Variants in PLCB4 observed in about 807,000 individuals in gnomAD.
PLCB4 encodes 1-phosphatidylinositol 4,5-bisphosphate phosphodiesterase beta-4.
A neutral mutation model predicts 178.8 loss-of-function variants in PLCB4; 77 were observed. The observed-to-expected ratio is 0.43, with a 90% CI of 0.36 to 0.52. The LOEUF (loss-of-function observed/expected upper bound fraction) is 0.52, where lower values mean the gene tolerates loss of function less well. Among genes scored for constraint, PLCB4 ranks in the 20% least tolerant of loss-of-function variants. PLCB4 has a pLI of 0.00. For missense variants in PLCB4, 1,024 were observed against 1,453.4 expected (o/e 0.70, Z 4.80); for synonymous variants, 496 against 490.8 (o/e 1.01, Z -0.14).
chr20:9,390,489 A>T (rs190650998), intron 16 of PLCB4, 42 bp from the exon 17 acceptor site: 19 of 922,618 alleles, frequency 2.1e-5, no homozygotes, highest in Admixed American at 3.5e-5. Context: ...TTGGACGGTT[A>T]ATGGGTGTTT....
Position 9,159,935 on chromosome 20 carries a change from G to A in PLCB4, c.-78-57455G>A, listed in dbSNP as rs569123559. 3.9e-5 allele frequency among the ~76,000 whole-genome samples: 6 copies of A among 152,316 alleles called. No individual in the cohort carries two copies. The South Asian group carries it at 1.2e-3, about 32-fold the overall frequency. ...CCGTTCAGTGTGCTCGTGAACTTCA[G>A]AAGGCTTCTGATAGATTTTAGGCCT... On this transcript the variant is annotated intron_variant, in intron 2 of 39. Coordinates refer to ENST00000378473, the MANE Select transcript of PLCB4 (RefSeq NM_001377142.1).
intron 30 of PLCB4, among the ~76,000 whole-genome samples, chr20:9,438,561 A>G (rs999335086): frequency 2.6e-5 from 4 of 152,106 alleles, no homozygotes; most frequent in Non-Finnish European, 5.9e-5. Flanking sequence ...TATATCACTG[A>G]GGACAAGCTG....
At chr20:9,077,951 T>G (rs2089949183) in intron 1 of PLCB4, among the ~76,000 whole-genome samples, 1 of 152,200 alleles carries the variant, frequency 6.6e-6, no homozygotes, top group Non-Finnish European at 1.5e-5. Flanking sequence ...AATGGATACT[T>G]GAATTTAATG....
intron 35 of PLCB4, among the ~76,000 whole-genome samples, chr20:9,464,049 T>G (rs938563405): frequency 2.0e-5 from 3 of 152,052 alleles, no homozygotes; most frequent in Non-Finnish European, 4.4e-5. Flanking sequence ...CCTCAGCAAA[T>G]GTAAAGGAAC....
At chr20:9,366,396 C>CAAAA (rs1198133351) in intron 9 of PLCB4, among the ~76,000 whole-genome samples, 3 of 33,972 alleles carry the variant, frequency 8.8e-5, no homozygotes, top group East Asian at 6.9e-4. Flanking sequence ...GACTCCATCT[C>CAAAA]AAAAAAAAAA....
At chr20:9,077,230 T>C (rs1239629414) in intron 1 of PLCB4, among the ~76,000 whole-genome samples, 2 of 152,216 alleles carry the variant, frequency 1.3e-5, no homozygotes, top group African/African-American at 4.8e-5. Flanking sequence ...GTGGACACTA[T>C]TGCAAACTGA....
chr20:9,209,005 C>A (rs1401264805), intron 2 of PLCB4, among the ~76,000 whole-genome samples: 2 of 152,158 alleles, frequency 1.3e-5, no homozygotes, highest in Non-Finnish European at 2.9e-5. Flanking sequence ...TAATTGGATA[C>A]CCTGTCCTAA....
In PLCB4 at chr20:9,347,889, G is replaced by A. The variant is rs189176778; in HGVS notation, c.369+8852G>A. ...CTCAGGAGACTGAGGCAGGAGAATC[G>A]CTTGAACCCAAGAGGTGGAGGTTGT... On this transcript the variant is annotated intron_variant, in intron 7 of 39. Transcript: ENST00000378473. Among the ~76,000 whole-genome samples the A allele has an allele frequency of 3.0e-4, 45 of 152,288 alleles. No homozygotes were observed. The East Asian group carries it at 7.9e-3, about 27-fold the overall frequency.
intron 33 of PLCB4, among the ~76,000 whole-genome samples, chr20:9,454,547 C>T (rs1346617976): frequency 1.3e-5 from 2 of 152,148 alleles, no homozygotes; most frequent in South Asian, 4.1e-4. Flanking sequence ...TTTCTTTTTC[C>T]TACTTGGGTT....
chr20:9,466,162 C>G (rs2043767800), intron 35 of PLCB4, among the ~76,000 whole-genome samples: 1 of 152,092 alleles, frequency 6.6e-6, no homozygotes, highest in Non-Finnish European at 1.5e-5. Flanking sequence ...TTTGACAAAC[C>G]TGACAAAAAC....
intron 35 of PLCB4, among the ~76,000 whole-genome samples, chr20:9,460,624 T>C (rs1300755676): frequency 2.0e-5 from 3 of 152,252 alleles, no homozygotes; most frequent in Non-Finnish European, 4.4e-5. Flanking sequence ...CTTTTTATCA[T>C]AGCTCGGTTG....
Position 9,203,040 on chromosome 20 carries a change from T to TAAAA in PLCB4, c.-78-14336_-78-14333dup, listed in dbSNP as rs58109957. Among the ~76,000 whole-genome samples the TAAAA allele has an allele frequency of 7.4e-4, 83 of 111,508 alleles. 1 individual carries two copies. The highest frequency in any genetic ancestry group is 2.6e-3 in the African/African-American group (73 of 27,626). The allele number at this position is 111,508 out of a possible 152,430, so 73.2% of individuals were successfully genotyped here. A position where few individuals can be genotyped will look rare whatever the true frequency, so the allele number is the denominator to read the frequency against. On this transcript the variant is annotated intron_variant, in intron 2 of 39. Coordinates refer to ENST00000378473, the MANE Select transcript of PLCB4 (RefSeq NM_001377142.1). ...CAGATGGTTGACCAGTTGTCTTTGGTAAAAAAAAAAAAAAAAATATATATA... is the reference window on the plus strand; with the variant it reads ...CAGATGGTTGACCAGTTGTCTTTGGTAAAAAAAAAAAAAAAAAAAAATATATATA...
chr20:9,358,622 C>T lies in PLCB4; in HGVS notation c.370-4274C>T, dbSNP rs186643110. ...AGAAATGCCAATAGCAGACTGAGCACGGTGGCTCACGCCTGTAGTTCCAGC... is the reference window on the plus strand; with the variant it reads ...AGAAATGCCAATAGCAGACTGAGCATGGTGGCTCACGCCTGTAGTTCCAGC... On this transcript the variant is annotated intron_variant, in intron 7 of 39. Transcript: ENST00000378473. Among the ~76,000 whole-genome samples the T allele has an allele frequency of 1.2e-3, 186 of 152,228 alleles. 1 individual carries two copies. Among genetic ancestry groups the T allele is most frequent in the Middle Eastern group, 3.4e-3 (1 of 292 alleles).
At chr20:9,103,830 T>C (rs1437581498) in intron 2 of PLCB4, among the ~76,000 whole-genome samples, 1 of 152,212 alleles carries the variant, frequency 6.6e-6, no homozygotes, top group Non-Finnish European at 1.5e-5. Flanking sequence ...TAAATTATAA[T>C]TGTTTAATTT....
At chr20:9,420,024 A>C (rs1276578807) in intron 26 of PLCB4, 115 bp downstream of exon 26, 7 of 573,716 alleles carry the variant, frequency 1.2e-5, no homozygotes, top group African/African-American at 1.8e-5. Context: ...CACAACTTTG[A>C]CTTAAGATTC....
chr20:9,198,337 G>T (rs1356455538), intron 2 of PLCB4, among the ~76,000 whole-genome samples: 2 of 152,056 alleles, frequency 1.3e-5, no homozygotes, highest in Non-Finnish European at 1.5e-5. Context: ...GTGTACTTTT[G>T]GTCAACATTT....
intron 1 of PLCB4, among the ~76,000 whole-genome samples, chr20:9,073,793 C>T (rs1052386940): frequency 3.9e-5 from 6 of 151,988 alleles, no homozygotes; most frequent in African/African-American, 1.4e-4. Flanking sequence ...AAGGCTGAGG[C>T]AGGAGGATCG....
intron 1 of PLCB4, among the ~76,000 whole-genome samples, chr20:9,074,179 C>G (rs191873150): frequency 6.6e-6 from 1 of 152,280 alleles, no homozygotes; most frequent in East Asian, 1.9e-4. Flanking sequence ...CACTCTGAGC[C>G]TCAGTTGCCC....
intron 30 of PLCB4, 40 bp downstream of exon 30, chr20:9,437,192 C>A (rs755958129): frequency 3.2e-6 from 5 of 1,568,834 alleles, no homozygotes; most frequent in African/African-American, 2.7e-5. Flanking sequence ...TCTGCACCCA[C>A]CTTAATTACA....
Sources: allele counts gnomAD v4.1 joint callset (sites outside exome capture counted in the v4.1 genomes callset), GRCh38; gene constraint gnomAD v4.1.1; transcripts MANE v1.5; gene names NCBI Gene and HGNC (gene_info 2026-07-23, HGNC 2026-07-21).